HIKESHI: variants seen among roughly 807,000 people sequenced by gnomAD.
HIKESHI encodes protein Hikeshi.
HIKESHI carries 13 observed loss-of-function variants against 25.7 expected under a neutral mutation model. The observed-to-expected ratio is 0.51, with a 90% confidence interval of 0.33 to 0.80. HIKESHI has a LOEUF of 0.80. HIKESHI is among the 30% of genes least tolerant of loss of function. The pLI is 0.02. For synonymous variants in HIKESHI, 76 were observed against 78.7 expected, an observed-to-expected ratio of 0.97 and a Z score of 0.18; for missense variants, 174 against 229.5, an observed-to-expected ratio of 0.76 and a Z score of 1.56.
intron 2 of HIKESHI, among the ~76,000 whole-genome samples, chr11:86,326,887 G>T (rs1947296026): frequency 6.6e-6 from 1 of 152,140 alleles, no homozygotes; most frequent in African/African-American, 2.4e-5. Flanking sequence ...CTAATGTGGG[G>T]TTTAAATTTT....
intron 1 of HIKESHI, among the ~76,000 whole-genome samples, chr11:86,305,637 C>G (rs1426527460): frequency 1.3e-5 from 2 of 151,936 alleles, no homozygotes; most frequent in Non-Finnish European, 2.9e-5. Context: ...CCTGGCCTCC[C>G]AGAGTGCCAG....
chr11:86,320,451 C>T (rs1947118198), intron 2 of HIKESHI, among the ~76,000 whole-genome samples: 1 of 152,174 alleles, frequency 6.6e-6, no homozygotes, highest in Non-Finnish European at 1.5e-5. Flanking sequence ...TGGCAGGCGC[C>T]TGTAATCCCA....
chr11:86,320,697 A>C lies in HIKESHI; in HGVS notation c.268+14215A>C, dbSNP rs1223345150. 2.0e-5 allele frequency among the ~76,000 whole-genome samples: 3 copies of C among 152,248 alleles called. No homozygotes were observed. The East Asian group carries it at 5.8e-4, about 29-fold the overall frequency. On this transcript the variant is annotated intron_variant, in intron 2 of 4. Transcript: ENST00000278483. ...TGTACAGTTTGATAAATTTTGATAT[A>C]GCTACACTTGAGAAACTGTCACCAC...
chr11:86,317,979 A>G (rs1947034211), intron 2 of HIKESHI, among the ~76,000 whole-genome samples: 1 of 152,124 alleles, frequency 6.6e-6, no homozygotes, highest in South Asian at 2.1e-4. Flanking sequence ...TATACCAAAC[A>G]AAACTGAAAT....
intron 2 of HIKESHI, among the ~76,000 whole-genome samples, chr11:86,312,840 A>G (rs1055133240): frequency 3.3e-5 from 5 of 152,172 alleles, no homozygotes; most frequent in Admixed American, 3.3e-4. Context: ...TGGATATGAA[A>G]TTCTGGGTTG....
At chr11:86,344,808 T>G in intron 4 of HIKESHI, 87 bp downstream of exon 4, 1 of 932,660 alleles carries the variant, frequency 1.1e-6, no homozygotes, top group Non-Finnish European at 1.7e-6. Flanking sequence ...TTTTGACATT[T>G]AAACATATTC....
In HIKESHI at chr11:86,332,013, C is replaced by T. The variant is rs1272962682; in HGVS notation, c.269-5366C>T. 5.5e-4 allele frequency among the ~76,000 whole-genome samples: 79 copies of T among 144,778 alleles called. 3 individuals are homozygous for T. The highest frequency in any genetic ancestry group is 6.0e-5 in the Non-Finnish European group (4 of 66,992). The allele number at this position is 144,778 out of a possible 152,430, so 95.0% of individuals were successfully genotyped here. ...TTTTTTTTTTTGCGACGGAGTCTTG[C>T]TCTGTCGCTCAGGCTGGAGTGCAGT... On this transcript the variant is annotated intron_variant, in intron 2 of 4. Coordinates refer to ENST00000278483, the MANE Select transcript of HIKESHI (RefSeq NM_016401.4).
At chr11:86,311,304 A>G (rs1315660301) in intron 2 of HIKESHI, among the ~76,000 whole-genome samples, 8 of 152,012 alleles carry the variant, frequency 5.3e-5, no homozygotes, top group Non-Finnish European at 8.8e-5. Flanking sequence ...TGTATGTGTC[A>G]AGGAATTTAT....
At chr11:86,330,145 C>T (rs140230213) in intron 2 of HIKESHI, among the ~76,000 whole-genome samples, 112 of 151,882 alleles carry the variant, frequency 7.4e-4, no homozygotes, top group African/African-American at 2.3e-3. Context: ...TTAGTGGTTC[C>T]TCTAGGGATT....
chr11:86,323,307 T>C (rs527237875), intron 2 of HIKESHI, among the ~76,000 whole-genome samples: 3 of 152,288 alleles, frequency 2.0e-5, no homozygotes, highest in East Asian at 3.9e-4. Context: ...TGTAAATAGA[T>C]ACTTTTATAG....
At chr11:86,334,256 G>GTGTGTGTA in intron 2 of HIKESHI, among the ~76,000 whole-genome samples, 1 of 134,820 alleles carries the variant, frequency 7.4e-6, no homozygotes, top group East Asian at 2.5e-4. Context: ...GTGTGTGTGT[G>GTGTGTGTA]TGTGTGTGTG....
chr11:86,308,194 T>C (rs190458630), intron 2 of HIKESHI, among the ~76,000 whole-genome samples: 4 of 87,834 alleles, frequency 4.6e-5, no homozygotes, highest in Non-Finnish European at 8.5e-5. Flanking sequence ...ACATATAAAA[T>C]ATATATTATA....
In HIKESHI at chr11:86,337,381, G is replaced by C; in HGVS notation, c.271G>C (p.Glu91Gln). The C allele has an allele frequency of 2.5e-6, 4 of 1,611,260 alleles. No homozygotes were observed. Among genetic ancestry groups the C allele is most frequent in the Non-Finnish European group, 3.4e-6 (4 of 1,179,168 alleles). The change falls in exon 3 of 5, where the codon GAA becomes CAA. Residue 91 changes from glutamate (E) to glutamine (Q), a missense_variant and splice_region_variant. By Grantham distance (29) the Glu-to-Gln change is conservative (BLOSUM62 2). Coordinates refer to ENST00000278483, the MANE Select transcript of HIKESHI (RefSeq NM_016401.4). ...TGTCATATGTTAATTTCTTGCAGGA[G>C]AAGGAAGCCAACATCCTTTTGGAGC... Reference protein sequence around the residue: ...IFKISGLKSGEGSQHPFGAMN... With the variant: ...IFKISGLKSGQGSQHPFGAMN...
At chr11:86,316,598 G>T (rs941783997) in intron 2 of HIKESHI, among the ~76,000 whole-genome samples, 46 of 151,986 alleles carry the variant, frequency 3.0e-4, no homozygotes, top group African/African-American at 1.1e-3. Flanking sequence ...TAAGGCATTG[G>T]AAATAATTTC....
chr11:86,308,244 A>C (rs960661349), intron 2 of HIKESHI, among the ~76,000 whole-genome samples: 1 of 115,198 alleles, frequency 8.7e-6, no homozygotes, highest in East Asian at 2.3e-4. Context: ...TATTATATAT[A>C]AAATATATAT....
chr11:86,307,072 CATCATGTATCAAATATGT>C, intron 2 of HIKESHI, among the ~76,000 whole-genome samples: 1 of 26,198 alleles, frequency 3.8e-5, no homozygotes, highest in Non-Finnish European at 7.2e-5. Flanking sequence ...GTGTAATATA[CATCATGTATCAAATATGT>C]GTAATATACA....
intron 1 of HIKESHI, 136 bp from the exon 2 acceptor site, chr11:86,306,109 G>A: frequency 1.6e-6 from 1 of 636,436 alleles, no homozygotes; most frequent in Non-Finnish European, 2.7e-6. Context: ...ATGTATTTAA[G>A]ACTATCAGAT....
At chr11:86,316,115 TAAAAAAAAA>T (rs11340933) in intron 2 of HIKESHI, among the ~76,000 whole-genome samples, 1 of 75,246 alleles carries the variant, frequency 1.3e-5, no homozygotes, top group Non-Finnish European at 2.4e-5. Flanking sequence ...CTGTCTCCAT[TAAAAAAAAA>T]AAAAAAAAAA....
At chr11:86,313,803 G>A (rs1024825677) in intron 2 of HIKESHI, among the ~76,000 whole-genome samples, 18 of 152,208 alleles carry the variant, frequency 1.2e-4, no homozygotes, top group Admixed American at 1.2e-3. Context: ...GGTTGGGGAA[G>A]CTTTCCTGGA....
Sources: allele counts gnomAD v4.1 joint callset (sites outside exome capture counted in the v4.1 genomes callset), GRCh38; gene constraint gnomAD v4.1.1; transcripts MANE v1.5; gene names NCBI Gene and HGNC (gene_info 2026-07-23, HGNC 2026-07-21).